The following OR9Q1 variants were observed in gnomAD, a reference collection of about 807,000 sequenced individuals.
OR9Q1 encodes the protein olfactory receptor family 9 subfamily Q member 1.
For missense variants in OR9Q1, 374 were observed against 378.8 expected, an observed-to-expected ratio of 0.99 and a Z score of 0.11; for synonymous variants, 153 against 148.6, an observed-to-expected ratio of 1.03 and a Z score of -0.22.
chr11:58,089,653 A>G (rs548414090), intron 2 of OR9Q1, among the ~76,000 whole-genome samples: 8 of 152,060 alleles, frequency 5.3e-5, no homozygotes, highest in Non-Finnish European at 7.4e-5. Context: ...TTGGTTCCAT[A>G]TGAAATTTAA....
intron 2 of OR9Q1, among the ~76,000 whole-genome samples, chr11:58,136,486 G>A (rs1326554318): frequency 1.3e-5 from 2 of 152,108 alleles, no homozygotes; most frequent in Non-Finnish European, 2.9e-5. Context: ...GAGGCCAAAC[G>A]GATTCATGGT....
intron 2 of OR9Q1, among the ~76,000 whole-genome samples, chr11:58,079,305 A>G (rs765298139): frequency 3.9e-5 from 6 of 151,936 alleles, no homozygotes; most frequent in Non-Finnish European, 8.8e-5. Flanking sequence ...TTGCAAAAAG[A>G]TTCCTTGGGC....
chr11:58,027,333 G>A (rs1244242805), intron 1 of OR9Q1, among the ~76,000 whole-genome samples: 2 of 152,178 alleles, frequency 1.3e-5, no homozygotes, highest in Non-Finnish European at 2.9e-5. Flanking sequence ...GTAAAGTGGT[G>A]TTCTTTTTCG....
intron 2 of OR9Q1, among the ~76,000 whole-genome samples, chr11:58,176,465 T>C (rs145480458): frequency 1.7e-4 from 26 of 152,320 alleles, no homozygotes; most frequent in African/African-American, 6.3e-4. Flanking sequence ...CAATTATTAG[T>C]GTCTTCTCCA....
intron 2 of OR9Q1, among the ~76,000 whole-genome samples, chr11:58,062,952 G>C (rs192371236): frequency 3.3e-5 from 5 of 152,226 alleles, no homozygotes; most frequent in Non-Finnish European, 7.4e-5. Flanking sequence ...CTGGAGTTAT[G>C]GTTATATGAG....
intron 2 of OR9Q1, among the ~76,000 whole-genome samples, chr11:58,140,342 C>T (rs1292471619): frequency 1.9e-4 from 29 of 151,968 alleles, no homozygotes; most frequent in Middle Eastern, 3.2e-3. Context: ...TTTGGTGTTT[C>T]AGACATGAAG....
chr11:58,102,540 A>G (rs1429799961), intron 2 of OR9Q1, among the ~76,000 whole-genome samples: 3 of 148,104 alleles, frequency 2.0e-5, no homozygotes, highest in Non-Finnish European at 1.5e-5. Context: ...TTCTGGGTAT[A>G]GTATTCTTGG....
At chr11:58,102,418 A>G (rs1297370573) in intron 2 of OR9Q1, among the ~76,000 whole-genome samples, 1 of 152,006 alleles carries the variant, frequency 6.6e-6, no homozygotes, top group Non-Finnish European at 1.5e-5. Context: ...TCACTTCCAG[A>G]TGTAGGACTC....
chr11:58,171,202 A>G (rs1200384592), intron 2 of OR9Q1: 1 of 152,196 alleles, frequency 6.6e-6, no homozygotes, highest in Non-Finnish European at 1.5e-5. Context: ...ACAACTCTCA[A>G]GATGTCTGGC....
intron 2 of OR9Q1, among the ~76,000 whole-genome samples, chr11:58,084,310 A>G (rs1477265239): frequency 6.6e-6 from 1 of 151,890 alleles, no homozygotes; most frequent in African/African-American, 2.4e-5. Flanking sequence ...TTGTATCTTG[A>G]AACATTATTA....
intron 2 of OR9Q1, among the ~76,000 whole-genome samples, chr11:58,176,190 G>A (rs1854605070): frequency 6.6e-6 from 1 of 152,116 alleles, no homozygotes; most frequent in African/African-American, 2.4e-5. Flanking sequence ...TGGTGAAGGT[G>A]GCAATGGGCA....
At chr11:58,164,786 T>C (rs565504680) in intron 2 of OR9Q1, among the ~76,000 whole-genome samples, 1 of 152,312 alleles carries the variant, frequency 6.6e-6, no homozygotes, top group East Asian at 1.9e-4. Flanking sequence ...AATAGTTCCT[T>C]GGTCGCATGC....
intron 1 of OR9Q1, among the ~76,000 whole-genome samples, chr11:58,046,259 C>A (rs75630157): frequency 0.041 from 6,104 of 149,182 alleles, 127 homozygotes; most frequent in East Asian, 0.068. Flanking sequence ...CTTCCTTGTT[C>A]ATAAGCAACT....
intron 2 of OR9Q1, among the ~76,000 whole-genome samples, chr11:58,157,757 T>C (rs765195849): frequency 6.6e-6 from 1 of 152,234 alleles, no homozygotes; most frequent in Non-Finnish European, 1.5e-5. Flanking sequence ...CCTTTCCTAA[T>C]GAGGCTTGAA....
At chr11:58,079,840 C>G (rs1260460118) in intron 2 of OR9Q1, among the ~76,000 whole-genome samples, 1 of 152,108 alleles carries the variant, frequency 6.6e-6, no homozygotes, top group Non-Finnish European at 1.5e-5. Context: ...ATGAGCATAT[C>G]CAACCAATAT....
At chr11:58,143,802 C>A (rs554373243) in intron 2 of OR9Q1, among the ~76,000 whole-genome samples, 2 of 152,152 alleles carry the variant, frequency 1.3e-5, no homozygotes, top group South Asian at 2.1e-4. Flanking sequence ...ACCACCATGA[C>A]ACACATTTAC....
intron 2 of OR9Q1, among the ~76,000 whole-genome samples, chr11:58,065,231 T>A (rs747659690): frequency 2.0e-5 from 3 of 151,986 alleles, no homozygotes; most frequent in Non-Finnish European, 4.4e-5. Context: ...GTAGAAGAGA[T>A]AAGGACACAG....
At chr11:58,088,189 T>C (rs573387028) in intron 2 of OR9Q1, among the ~76,000 whole-genome samples, 6 of 152,102 alleles carry the variant, frequency 3.9e-5, no homozygotes, top group African/African-American at 1.2e-4. Context: ...CCATGGGGTA[T>C]ATGTGCCACA....
intron 2 of OR9Q1, among the ~76,000 whole-genome samples, chr11:58,160,351 T>C (rs940755231): frequency 5.9e-5 from 9 of 152,244 alleles, no homozygotes; most frequent in Admixed American, 5.2e-4. Flanking sequence ...TACGAAGTGA[T>C]AGATAACTAC....
Sources: gnomAD v4.1 joint callset for allele counts (sites outside exome capture counted in the v4.1 genomes callset) on GRCh38, gnomAD v4.1.1 for gene constraint, MANE v1.5 for transcripts, NCBI Gene and HGNC (gene_info 2026-07-23, HGNC 2026-07-21) for gene names.